DENND4C: variants seen among roughly 807,000 people sequenced by gnomAD.
DENND4C encodes the protein DENN domain containing 4C, also known as DENN domain-containing protein 4C.
Under a neutral mutation model 203.0 loss-of-function variants are expected in DENND4C, and 108 were observed. The ratio of observed to expected loss-of-function variants is 0.53; its 90% CI spans 0.46 to 0.62. The LOEUF (loss-of-function observed/expected upper bound fraction) is 0.62. Ranked by LOEUF, DENND4C falls within the 20% of genes least tolerant of loss-of-function variation. The pLI is 0.00. For missense variants in DENND4C, 2,481 were observed against 2,301.2 expected, an observed-to-expected ratio of 1.08 and a Z score of -1.60; for synonymous variants, 871 against 792.4, an observed-to-expected ratio of 1.10 and a Z score of -1.67.
intron 1 of DENND4C, among the ~76,000 whole-genome samples, chr9:19,231,287 G>T (rs1443599568): frequency 6.6e-6 from 1 of 152,166 alleles, no homozygotes; most frequent in Non-Finnish European, 1.5e-5. Context: ...AGTCTCGAGA[G>T]GAGTCGGGGG....
intron 1 of DENND4C, among the ~76,000 whole-genome samples, chr9:19,254,461 T>C (rs531377011): frequency 1.3e-5 from 2 of 152,266 alleles, no homozygotes; most frequent in South Asian, 2.1e-4. Flanking sequence ...CTGGGAGATA[T>C]TATGCTAAGT....
rs771175549 is a variant in DENND4C, at chr9:19,374,063, G to C, written c.*1890G>C. Among the ~76,000 whole-genome samples the C allele has an allele frequency of 6.6e-6, 1 of 152,040 alleles. No individual in the cohort carries two copies. The highest frequency in any genetic ancestry group is 2.4e-5 in the African/African-American group (1 of 41,370). ...CTAGTTTTAATACTTAACACTTACT[G>C]ACCCAACAGAAGTTTGGAATTACCT... is the stretch of plus-strand genomic sequence containing the variant. On this transcript the variant is annotated 3_prime_UTR_variant, in exon 33 of 33. Coordinates refer to ENST00000434457, the MANE Select transcript of DENND4C (RefSeq NM_001330640.2).
At chr9:19,240,876 A>G (rs560311927) in intron 1 of DENND4C, among the ~76,000 whole-genome samples, 1 of 150,670 alleles carries the variant, frequency 6.6e-6, no homozygotes, top group South Asian at 2.1e-4. Flanking sequence ...CTGAAGTAGG[A>G]GAATTGAACC....
chr9:19,260,452 G>C (rs74666943), intron 1 of DENND4C, among the ~76,000 whole-genome samples: 8,198 of 151,818 alleles, frequency 0.054, 374 homozygotes, highest in African/African-American at 0.12. Flanking sequence ...GGCTGGAATG[G>C]GGTGGCATGA....
intron 1 of DENND4C, among the ~76,000 whole-genome samples, chr9:19,252,738 C>G (rs935293324): frequency 7.2e-6 from 1 of 138,962 alleles, no homozygotes; most frequent in Non-Finnish European, 1.6e-5. Flanking sequence ...CACACACACA[C>G]ACATACTTTT....
At chr9:19,333,823 T>A (rs1175405955) in intron 17 of DENND4C, among the ~76,000 whole-genome samples, 1 of 152,194 alleles carries the variant, frequency 6.6e-6, no homozygotes, top group Non-Finnish European at 1.5e-5. Flanking sequence ...GGTGTTAAGA[T>A]AACTATAAAT....
chr9:19,238,122 GC>G (rs1170240707), intron 1 of DENND4C, among the ~76,000 whole-genome samples: 3 of 142,868 alleles, frequency 2.1e-5, no homozygotes, highest in Admixed American at 7.1e-5. Context: ...CACTCGTGTT[GC>G]CCAGGCTGGA....
chr9:19,332,353 T>C (rs1819410169), intron 17 of DENND4C, among the ~76,000 whole-genome samples, 169 bp downstream of exon 17: 1 of 152,036 alleles, frequency 6.6e-6, no homozygotes, highest in African/African-American at 2.4e-5. Context: ...TTATTTTTTA[T>C]TTTAATTATT....
chr9:19,336,427 A>G lies in DENND4C; in HGVS notation c.2734+13A>G. On this transcript the variant is annotated intron_variant, in intron 19 of 32. Transcript: ENST00000434457. ...TCCTCAATATCAGGTAATACATGTG[A>G]TTAGAAATATAATTCCTTACTGAAC... is the stretch of plus-strand genomic sequence containing the variant. 1.2e-6 allele frequency: 2 copies of G among 1,604,890 alleles called. No individual in the cohort carries two copies. The highest frequency in any genetic ancestry group is 1.7e-6 in the Non-Finnish European group (2 of 1,176,630).
intron 1 of DENND4C, among the ~76,000 whole-genome samples, chr9:19,235,819 C>T (rs7869428): frequency 0.039 from 5,920 of 151,852 alleles, 329 homozygotes; most frequent in African/African-American, 0.12. Context: ...ACCGTGGTCT[C>T]GATCTTTTGA....
intron 1 of DENND4C, among the ~76,000 whole-genome samples, chr9:19,269,098 G>T (rs1053958405): frequency 6.6e-6 from 1 of 151,996 alleles, no homozygotes. Context: ...TCTAGATTTT[G>T]TAGGTGTGCT....
At chr9:19,247,170 A>G (rs1564082917) in intron 1 of DENND4C, among the ~76,000 whole-genome samples, 2 of 152,228 alleles carry the variant, frequency 1.3e-5, no homozygotes, top group South Asian at 2.1e-4. Context: ...AATTTATGGC[A>G]GCTCCTTCTC....
intron 1 of DENND4C, among the ~76,000 whole-genome samples, chr9:19,272,219 A>T (rs1226767354): frequency 6.6e-6 from 1 of 151,870 alleles, no homozygotes; most frequent in Non-Finnish European, 1.5e-5. Context: ...CGAGAGTTTG[A>T]GACCAGCCTG....
At chr9:19,299,194 A>T (rs1481824683) in intron 7 of DENND4C, 35 bp from the exon 8 acceptor site, 1 of 1,485,646 alleles carries the variant, frequency 6.7e-7, no homozygotes, top group Non-Finnish European at 9.1e-7. Context: ...TGGTTAATTT[A>T]TCTTTGGTTA....
intron 1 of DENND4C, among the ~76,000 whole-genome samples, chr9:19,240,754 G>A (rs564850306): frequency 4.7e-4 from 71 of 152,130 alleles, no homozygotes; most frequent in Admixed American, 1.4e-3. Flanking sequence ...ATCACTTGAG[G>A]TCAGGAATTT....
At chr9:19,230,996 GC>G (rs1230231692) in intron 1 of DENND4C, among the ~76,000 whole-genome samples, 163 bp downstream of exon 1, 2 of 152,244 alleles carry the variant, frequency 1.3e-5, no homozygotes, top group African/African-American at 4.8e-5. Context: ...AGTGGCCGCG[GC>G]TGGCGTTCGT....
intron 5 of DENND4C, among the ~76,000 whole-genome samples, chr9:19,293,525 T>C (rs916430582): frequency 1.3e-5 from 2 of 151,962 alleles, no homozygotes; most frequent in East Asian, 1.9e-4. Flanking sequence ...TCCTGTGATA[T>C]ATATAATGAC....
chr9:19,282,216 GTT>G (rs1369010367), intron 2 of DENND4C, among the ~76,000 whole-genome samples: 1 of 150,964 alleles, frequency 6.6e-6, no homozygotes, highest in African/African-American at 2.4e-5. Context: ...ATTTTATTAA[GTT>G]TTTTTGTATT....
intron 2 of DENND4C, among the ~76,000 whole-genome samples, chr9:19,278,695 G>A (rs924161931): frequency 2.6e-5 from 4 of 152,120 alleles, no homozygotes; most frequent in African/African-American, 4.8e-5. Context: ...TGCAGCATTC[G>A]TTTAACTCCT....
Sources: gnomAD v4.1 joint callset for allele counts (sites outside exome capture counted in the v4.1 genomes callset) on GRCh38, gnomAD v4.1.1 for gene constraint, MANE v1.5 for transcripts, NCBI Gene and HGNC (gene_info 2026-07-23, HGNC 2026-07-21) for gene names.